The following DNAJC24 variants were observed in gnomAD, a reference collection of about 807,000 sequenced individuals.
DNAJC24 encodes dnaJ homolog subfamily C member 24.
In DNAJC24, 17 loss-of-function variants were observed where a neutral mutation model predicts 18.0. That is an observed-to-expected ratio of 0.94 (90% CI 0.65 to 1.42). DNAJC24 has a LOEUF of 1.42. Among genes scored for constraint, DNAJC24 ranks in the 40% most tolerant of loss-of-function variants. The pLI is 0.00. For synonymous variants in DNAJC24, 55 were observed against 57.7 expected (o/e 0.95, Z 0.21); for missense variants, 158 against 175.6 (o/e 0.90, Z 0.57).
intron 4 of DNAJC24, chr11:31,429,697 A>ACC (rs1952901334): frequency 5.5e-6 from 1 of 182,202 alleles, no homozygotes; most frequent in Admixed American, 5.7e-5. Context: ...ACACACACAT[A>ACC]CCCCCATAGG....
intron 2 of DNAJC24, chr11:31,407,620 G>C (rs1344110293): frequency 6.8e-6 from 1 of 146,340 alleles, no homozygotes; most frequent in Non-Finnish European, 1.5e-5. Flanking sequence ...GGGAGGCAGA[G>C]GTTGCAGTGA....
intron 2 of DNAJC24, among the ~76,000 whole-genome samples, chr11:31,372,147 G>A (rs1380157951): frequency 6.6e-6 from 1 of 151,600 alleles, no homozygotes; most frequent in Non-Finnish European, 1.5e-5. Flanking sequence ...TAAATGAATT[G>A]TAGTATTTGT....
At chr11:31,403,995 A>G (rs1286528199) in intron 2 of DNAJC24, among the ~76,000 whole-genome samples, 2 of 152,202 alleles carry the variant, frequency 1.3e-5, no homozygotes, top group Non-Finnish European at 2.9e-5. Flanking sequence ...GGGGTGCATT[A>G]TTCCTGTCTC....
At chr11:31,426,429 A>G (rs1421474867) in intron 4 of DNAJC24, 74 bp downstream of exon 4, 1 of 811,328 alleles carries the variant, frequency 1.2e-6, no homozygotes, top group Non-Finnish European at 1.9e-6. Context: ...AACTCATTGG[A>G]TATTTGGAAA....
At position 31,409,731 on chromosome 11, in the gene DNAJC24, C is replaced by T. The variant is rs187957150; in HGVS notation, c.112-5080C>T. ...TAATCTATTCTTCTATGAATCTTTT[C>T]GTGGATGTGTGATTTTCATTTTTAT... On this transcript the variant is annotated intron_variant, in intron 2 of 4. Coordinates refer to ENST00000465995, the MANE Select transcript of DNAJC24 (RefSeq NM_181706.5). Among the ~76,000 whole-genome samples, 161 of 152,044 alleles carry T rather than the reference C, an allele frequency of 1.1e-3. 1 individual carries two copies. Among genetic ancestry groups the T allele is most frequent in the Non-Finnish European group, 2.9e-4 (20 of 67,986 alleles).
intron 2 of DNAJC24, among the ~76,000 whole-genome samples, chr11:31,379,566 A>G (rs1952355076): frequency 6.6e-6 from 1 of 152,160 alleles, no homozygotes; most frequent in South Asian, 2.1e-4. Context: ...TTGACTCATA[A>G]TGGATGCAAT....
chr11:31,370,858 T>C lies in DNAJC24; in HGVS notation c.110T>C (p.Met37Thr). 6.4e-7 allele frequency: 1 copy of C among 1,565,414 alleles called. No individual in the cohort carries two copies. The highest frequency in any genetic ancestry group is 1.8e-5 in the Admixed American group (1 of 56,778). Residue 37 changes from methionine (M) to threonine (T), a missense_variant and splice_region_variant, in exon 2 of 5, where the codon ATG (methionine) becomes ACG (threonine). Transcript: ENST00000465995. ...LKQKYQKLIL[M>T]YHPDKQSTDV... ...CAAAAATATCAAAAACTCATATTAA[T>C]GGTAAGTCTTTTCTTTCAGATTTTA...
At chr11:31,408,272 A>G in intron 2 of DNAJC24, 1 of 444,632 alleles carries the variant, frequency 2.2e-6, no homozygotes, top group Admixed American at 2.5e-5. Flanking sequence ...CACGCGTAAC[A>G]GTTGCTTGGA....
intron 2 of DNAJC24, among the ~76,000 whole-genome samples, chr11:31,397,755 A>G (rs1273114449): frequency 6.6e-6 from 1 of 152,152 alleles, no homozygotes; most frequent in Admixed American, 6.6e-5. Flanking sequence ...GCTTCAAAAT[A>G]ACAGTGATTT....
chr11:31,411,188 G>T (rs1952705513), intron 2 of DNAJC24, among the ~76,000 whole-genome samples: 1 of 152,146 alleles, frequency 6.6e-6, no homozygotes. Context: ...TAGACTTTGA[G>T]ATCGGAAAGT....
intron 3 of DNAJC24, among the ~76,000 whole-genome samples, chr11:31,422,892 G>C (rs1952820876): frequency 1.3e-5 from 2 of 152,062 alleles, no homozygotes; most frequent in African/African-American, 2.4e-5. Context: ...TTGGACACCT[G>C]CCTCTCAACA....
At chr11:31,410,267 T>C (rs2133494081) in intron 2 of DNAJC24, among the ~76,000 whole-genome samples, 1 of 152,312 alleles carries the variant, frequency 6.6e-6, no homozygotes, top group South Asian at 2.1e-4. Context: ...TAATAACTAA[T>C]AAAAAGTTTA....
At chr11:31,400,926 T>A (rs986797786) in intron 2 of DNAJC24, among the ~76,000 whole-genome samples, 1 of 152,024 alleles carries the variant, frequency 6.6e-6, no homozygotes, top group Non-Finnish European at 1.5e-5. Flanking sequence ...GAAACTATCA[T>A]CAGAGTGAAC....
intron 4 of DNAJC24, 109 bp downstream of exon 4, chr11:31,426,464 C>T: frequency 1.6e-6 from 1 of 632,084 alleles, no homozygotes; most frequent in South Asian, 2.2e-5. Context: ...AATAGTGTGG[C>T]TTTCTATATA....
At chr11:31,429,249 T>A (rs1291728567) in intron 4 of DNAJC24, among the ~76,000 whole-genome samples, 1 of 151,180 alleles carries the variant, frequency 6.6e-6, no homozygotes, top group Non-Finnish European at 1.5e-5. Flanking sequence ...ACACATAAAG[T>A]TAGCTTATTT....
At position 31,426,542 on chromosome 11, in the gene DNAJC24, C is replaced by G. The variant is rs539239017; in HGVS notation, c.319+187C>G. The G allele has an allele frequency of 7.5e-4, 349 of 463,536 alleles. 1 individual carries two copies. The highest frequency in any genetic ancestry group is 9.4e-4 in the Non-Finnish European group (250 of 266,504). 28.7% of individuals were successfully genotyped at this position (463,536 alleles called of 1,614,324 possible). ...TAAACTTTATTTATTGACTGATGTCCCCCTATATGACTCATTTCCAGTTAT... is the reference window on the plus strand; with the variant it reads ...TAAACTTTATTTATTGACTGATGTCGCCCTATATGACTCATTTCCAGTTAT... On this transcript the variant is annotated intron_variant, in intron 4 of 4. Transcript: ENST00000465995.
Position 31,414,996 on chromosome 11 carries a change from A to G in DNAJC24, c.250+47A>G, listed in dbSNP as rs377327689. On this transcript the variant is annotated intron_variant, in intron 3 of 4. Transcript: ENST00000465995. ...CCACAGCACATCGGCAACTCTTAGA[A>G]GCACACTCTGCAGCCATTCCTGGGG... The G allele has an allele frequency of 4.3e-4, 678 of 1,593,976 alleles. 2 individuals carry two copies. The highest frequency in any genetic ancestry group is 5.0e-4 in the Non-Finnish European group (589 of 1,171,232).
At chr11:31,425,507 C>G (rs983244754) in intron 3 of DNAJC24, among the ~76,000 whole-genome samples, 12 of 152,082 alleles carry the variant, frequency 7.9e-5, no homozygotes, top group African/African-American at 2.7e-4. Context: ...CTGGTTGACT[C>G]GGTTTCTGAT....
intron 2 of DNAJC24, among the ~76,000 whole-genome samples, chr11:31,410,324 T>C (rs1269451179): frequency 2.0e-5 from 3 of 152,250 alleles, no homozygotes; most frequent in Non-Finnish European, 2.9e-5. Flanking sequence ...TGTCTGTTCA[T>C]CAGTTTTCTT....
Sources: allele counts gnomAD v4.1 joint callset (sites outside exome capture counted in the v4.1 genomes callset), GRCh38; gene constraint gnomAD v4.1.1; transcripts MANE v1.5; gene names NCBI Gene and HGNC (gene_info 2026-07-23, HGNC 2026-07-21).